Variants in NFKBID observed in about 807,000 individuals in gnomAD.
NFKBID encodes NF-kappa-B inhibitor delta.
A neutral mutation model predicts 53.4 loss-of-function variants in NFKBID; 26 were observed. That is an observed-to-expected ratio of 0.49 (90% CI 0.36 to 0.68). NFKBID has a LOEUF of 0.68. NFKBID is among the 30% of genes least tolerant of loss of function. The pLI is 0.00. For missense variants in NFKBID, 493 were observed against 614.1 expected, an observed-to-expected ratio of 0.80 and a Z score of 2.08; for synonymous variants, 262 against 259.8, an observed-to-expected ratio of 1.01 and a Z score of -0.08.
upstream of NFKBID, chr19:35,901,854 G>A: frequency 2.9e-6 from 1 of 341,794 alleles, no homozygotes; most frequent in Non-Finnish European, 5.5e-6. Context: ...AGCCACTGCG[G>A]TGGCCTCTCC....
chr19:35,897,856 C>T (rs1342795302), exon 4 of NFKBID: 6 of 1,542,458 alleles, frequency 3.9e-6, no homozygotes, highest in African/African-American at 1.4e-5. Context: ...GGGAGGGTGG[C>T]CTGCGTGTAA....
chr19:35,901,274 G>A (rs1975556875), upstream of NFKBID, among the ~76,000 whole-genome samples: 1 of 152,130 alleles, frequency 6.6e-6, no homozygotes. Context: ...AGGGAGGCAG[G>A]ACTGGGGGTC....
intron 9 of NFKBID, among the ~76,000 whole-genome samples, chr19:35,891,326 A>G (rs2146938924): frequency 6.6e-6 from 1 of 152,358 alleles, no homozygotes; most frequent in Admixed American, 6.5e-5. Context: ...TTATGTGCTG[A>G]TAACAGGGCA....
upstream of NFKBID, among the ~76,000 whole-genome samples, chr19:35,900,827 C>CTTTTCTTTTTTTTTTTTTTTTTT (rs1975530207): frequency 9.3e-6 from 1 of 107,606 alleles, no homozygotes; most frequent in African/African-American, 3.6e-5. Flanking sequence ...TTTTTCTTTT[C>CTTTTCTTTTTTTTTTTTTTTTTT]TTTTTTTTTT....
chr19:35,894,181 C>T (rs1974972930), intron 9 of NFKBID, among the ~76,000 whole-genome samples: 2 of 151,530 alleles, frequency 1.3e-5, no homozygotes, highest in Admixed American at 6.6e-5. Flanking sequence ...ATGGCTTGAA[C>T]CCGGGAGGCA....
intron 11 of NFKBID, 139 bp from the exon 12 acceptor site, chr19:35,888,751 A>C: frequency 3.0e-6 from 2 of 670,334 alleles, no homozygotes; most frequent in African/African-American, 1.8e-5. Flanking sequence ...GTCCAGAGTC[A>C]AGATTTTGGA....
intron 4 of NFKBID, 48 bp downstream of exon 4, chr19:35,897,603 C>A: frequency 1.0e-6 from 1 of 962,830 alleles, no homozygotes; most frequent in Non-Finnish European, 1.7e-6. Context: ...AGTGCAACTG[C>A]GAATTTTTAG....
intron 9 of NFKBID, among the ~76,000 whole-genome samples, chr19:35,895,744 C>T (rs925751289): frequency 3.9e-5 from 6 of 152,054 alleles, no homozygotes; most frequent in African/African-American, 1.2e-4. Context: ...GCAGAGGTTG[C>T]GGTGAGCCAA....
At chr19:35,898,326 G>A in intron 3 of NFKBID, 146 bp downstream of exon 3, 1 of 651,322 alleles carries the variant, frequency 1.5e-6, no homozygotes, top group South Asian at 1.8e-5. Context: ...CAGTGCCAGG[G>A]CAACAGAGTG....
intron 10 of NFKBID, 33 bp from the exon 11 acceptor site, chr19:35,890,087 T>G: frequency 7.6e-6 from 12 of 1,570,612 alleles, no homozygotes; most frequent in Non-Finnish European, 9.5e-6. Context: ...GGTGGGGATC[T>G]GGGCTCAGCT....
chr19:35,895,813 C>G (rs1192081857), intron 9 of NFKBID, among the ~76,000 whole-genome samples, 167 bp downstream of exon 9: 2 of 152,096 alleles, frequency 1.3e-5, no homozygotes, highest in Non-Finnish European at 2.9e-5. Context: ...TCAAAACAAA[C>G]AAAGAAACAA....
intron 9 of NFKBID, among the ~76,000 whole-genome samples, chr19:35,892,289 C>G (rs1287291327): frequency 6.6e-6 from 1 of 152,038 alleles, no homozygotes; most frequent in Non-Finnish European, 1.5e-5. Context: ...TGAGCTCGAG[C>G]AGTCCGCCCA....
chr19:35,891,353 T>G (rs907196783), intron 9 of NFKBID, among the ~76,000 whole-genome samples: 1 of 152,164 alleles, frequency 6.6e-6, no homozygotes, highest in Admixed American at 6.5e-5. Flanking sequence ...CCTAGTTTGC[T>G]CGTCCAAAAA....
chr19:35,898,643 C>T (rs1459703273), intron 2 of NFKBID, 76 bp downstream of exon 2: 5 of 1,435,946 alleles, frequency 3.5e-6, no homozygotes, highest in Non-Finnish European at 4.7e-6. Flanking sequence ...CTCATCAGCC[C>T]CGAGGGCCCG....
intron 9 of NFKBID, 74 bp from the exon 10 acceptor site, chr19:35,890,564 T>C (rs1175236320): frequency 2.0e-6 from 2 of 997,914 alleles, no homozygotes; most frequent in South Asian, 1.3e-5. Context: ...CCAGGAGTCT[T>C]TAAAGACCCT....
intron 4 of NFKBID, 177 bp from the exon 5 acceptor site, chr19:35,897,235 A>T (rs954133028): frequency 3.2e-6 from 2 of 617,004 alleles, no homozygotes; most frequent in Non-Finnish European, 5.4e-6. Context: ...TTTAGGCCTC[A>T]GTTTTGCCCA....
At chr19:35,897,050 G>A in exon 5 of NFKBID, 12 of 1,602,718 alleles carry the variant, frequency 7.5e-6, no homozygotes, top group Non-Finnish European at 1.0e-5. Flanking sequence ...AAACTCTCCA[G>A]GGTCCAGCCT....
exon 12 of NFKBID, chr19:35,888,365 T>G: frequency 1.8e-6 from 1 of 569,862 alleles, no homozygotes; most frequent in Non-Finnish European, 3.1e-6. Flanking sequence ...TCCTTGTGGG[T>G]AGAAGAGGGG....
In NFKBID at chr19:35,896,992, G is replaced by A; in HGVS notation, c.499C>T (p.Pro167Ser). 2 of 1,609,448 alleles carry A rather than the reference G, an allele frequency of 1.2e-6. No homozygotes were observed. Among genetic ancestry groups the A allele is most frequent in the Non-Finnish European group, 1.7e-6 (2 of 1,178,658 alleles). The change falls in exon 5 of 12, where the codon CCA becomes TCA. Residue 167 changes from proline to serine, a missense_variant. Pro to Ser is a moderately conservative substitution (Grantham distance 74). This residue lies in a region of NFKBID where 226 missense variants were observed against 229.5 expected (regional missense o/e 0.98). Coordinates refer to ENST00000641389, the Ensembl canonical transcript of NFKBID. This position sits in a 1 kb window ranked among gnomAD's most constrained non-coding sequence, Gnocchi z 5.7. ...TGAGCTCGGGCCACCTCCAGCGATG[G>A]TCCAGGGACCACAGCGGGGAACTGT...
Sources: allele counts gnomAD v4.1 joint callset (sites outside exome capture counted in the v4.1 genomes callset), GRCh38; gene constraint gnomAD v4.1.1; regional missense constraint gnomAD v4.1.1; non-coding constraint Gnocchi (gnomAD v3.1); transcripts MANE v1.5; gene names NCBI Gene and HGNC (gene_info 2026-07-23, HGNC 2026-07-21).